Variants in KAZN observed in about 807,000 individuals in gnomAD.
KAZN encodes the protein kazrin, periplakin interacting protein, also known as kazrin.
Under a neutral mutation model 87.4 loss-of-function variants are expected in KAZN, and 40 were observed. That is an observed-to-expected ratio of 0.46 (90% confidence interval 0.36 to 0.60). The LOEUF (loss-of-function observed/expected upper bound fraction) is 0.60, where lower values mean the gene tolerates loss of function less well. Among genes scored for constraint, KAZN ranks in the 20% least tolerant of loss-of-function variants. The pLI is 0.00. For missense variants in KAZN, 898 were observed against 1,073.9 expected, an observed-to-expected ratio of 0.84 and a Z score of 2.29; for synonymous variants, 466 against 458.3, an observed-to-expected ratio of 1.02 and a Z score of -0.22.
intron 1 of KAZN, among the ~76,000 whole-genome samples, chr1:14,143,535 A>G (rs1046747668): frequency 6.6e-6 from 1 of 152,000 alleles, no homozygotes; most frequent in Non-Finnish European, 1.5e-5. Flanking sequence ...TCCCCCACTT[A>G]CTTCCACCAG....
intron 1 of KAZN, among the ~76,000 whole-genome samples, chr1:13,966,678 GCTAT>G (rs1641956995): frequency 6.6e-6 from 1 of 152,180 alleles, no homozygotes; most frequent in African/African-American, 2.4e-5. Flanking sequence ...TCCAAGTGTG[GCTAT>G]CTGAGTTGAG....
At chr1:14,175,014 C>T (rs1646040479) in intron 1 of KAZN, among the ~76,000 whole-genome samples, 1 of 152,168 alleles carries the variant, frequency 6.6e-6, no homozygotes, top group South Asian at 2.1e-4. Flanking sequence ...ATGTTTCTCC[C>T]ACGGGAGGGT....
chr1:14,420,624 G>A (rs879818490), intron 2 of KAZN, among the ~76,000 whole-genome samples: 10 of 152,208 alleles, frequency 6.6e-5, no homozygotes, highest in Admixed American at 2.6e-4. Flanking sequence ...GGCATGGCCC[G>A]CTGCAGGTCT....
intron 1 of KAZN, among the ~76,000 whole-genome samples, chr1:14,638,672 C>A (rs1159650888): frequency 1.3e-5 from 2 of 151,988 alleles, no homozygotes; most frequent in Admixed American, 6.5e-5. Context: ...TTTGTGCAGG[C>A]AGCAGGGAGA....
chr1:14,101,275 T>C (rs893132612), intron 1 of KAZN, among the ~76,000 whole-genome samples: 2 of 152,236 alleles, frequency 1.3e-5, no homozygotes, highest in Non-Finnish European at 2.9e-5. Flanking sequence ...ATTTATTACG[T>C]GCTTATTATG....
chr1:14,763,314 T>C (rs1644795160), intron 1 of KAZN, among the ~76,000 whole-genome samples: 1 of 152,218 alleles, frequency 6.6e-6, no homozygotes, highest in African/African-American at 2.4e-5. Flanking sequence ...AAGGAATTCC[T>C]CTTTCACTGT....
chr1:14,927,956 TG>T (rs59451903), intron 1 of KAZN, among the ~76,000 whole-genome samples: 9,531 of 152,200 alleles, frequency 0.063, 903 homozygotes, highest in African/African-American at 0.21. Flanking sequence ...CGAAACAGGA[TG>T]CCTTGTCTTC....
intron 1 of KAZN, among the ~76,000 whole-genome samples, chr1:14,175,185 G>C (rs1186123966): frequency 6.6e-6 from 1 of 152,146 alleles, no homozygotes; most frequent in Non-Finnish European, 1.5e-5. Context: ...CTCACTGCAA[G>C]CTCCGCCTCC....
chr1:14,223,836 T>G (rs1169758350), intron 2 of KAZN, among the ~76,000 whole-genome samples: 1 of 152,138 alleles, frequency 6.6e-6, no homozygotes, highest in Non-Finnish European at 1.5e-5. Context: ...TCTGCTATGG[T>G]CAGAGGGGCA....
chr1:13,903,261 T>C (rs1639313660), intron 1 of KAZN, among the ~76,000 whole-genome samples: 2 of 152,234 alleles, frequency 1.3e-5, no homozygotes, highest in African/African-American at 4.8e-5. Context: ...CATTTTTCTT[T>C]TGGACATTAG....
chr1:14,097,079 G>C (rs1188423751), intron 1 of KAZN, among the ~76,000 whole-genome samples: 2 of 152,196 alleles, frequency 1.3e-5, no homozygotes, highest in African/African-American at 4.8e-5. Flanking sequence ...ACCTTTAGAG[G>C]TGTAGGGGAA....
chr1:14,494,270 C>T (rs183379079), intron 2 of KAZN, among the ~76,000 whole-genome samples: 25 of 152,174 alleles, frequency 1.6e-4, no homozygotes, highest in East Asian at 5.8e-4. Flanking sequence ...TGACAAGTGC[C>T]ATAAATAAGA....
chr1:14,897,815 C>T (rs1294081694), intron 1 of KAZN, among the ~76,000 whole-genome samples: 1 of 152,156 alleles, frequency 6.6e-6, no homozygotes, highest in Non-Finnish European at 1.5e-5. Context: ...GAAGCTGGGA[C>T]TCACAGACCT....
chr1:14,851,150 G>A (rs1318722469), intron 1 of KAZN, among the ~76,000 whole-genome samples: 2 of 152,088 alleles, frequency 1.3e-5, no homozygotes, highest in Non-Finnish European at 2.9e-5. Context: ...CCTCCTAGAC[G>A]GCTCACAGCT....
chr1:14,280,224 T>G (rs1571212042), intron 2 of KAZN, among the ~76,000 whole-genome samples: 1 of 150,684 alleles, frequency 6.6e-6, no homozygotes, highest in African/African-American at 2.4e-5. Context: ...TAGCCAGAAG[T>G]GATGGCACAC....
rs75686148 is a variant in KAZN, at chr1:14,422,285, A to G, written c.250-176698A>G. On this transcript the variant is annotated intron_variant, in intron 2 of 16. Transcript: ENST00000636203. ...CGTGGGCTTCCGTGTTTACTCAGCT[A>G]TCTGCCCTAAAAACACTTGCTCAGC... is the stretch of plus-strand genomic sequence containing the variant. Among the ~76,000 whole-genome samples, 776 of 152,322 alleles carry G rather than the reference A, an allele frequency of 5.1e-3. 2 individuals are homozygous for G. Among genetic ancestry groups the G allele is most frequent in the Non-Finnish European group, 7.3e-3 (495 of 68,022 alleles).
chr1:14,695,516 T>TG (rs1470930305), intron 1 of KAZN, among the ~76,000 whole-genome samples: 1 of 135,668 alleles, frequency 7.4e-6, no homozygotes, highest in Non-Finnish European at 1.6e-5. Context: ...CCATCTTTTT[T>TG]TTTTTTTTTG....
chr1:14,619,410 G>T (rs1453334904), intron 1 of KAZN, among the ~76,000 whole-genome samples: 1 of 151,710 alleles, frequency 6.6e-6, no homozygotes, highest in African/African-American at 2.4e-5. Flanking sequence ...ATGGTGTCCA[G>T]GTTGGTCTCT....
At position 14,742,178 on chromosome 1, in the gene KAZN, C is replaced by T. The variant is rs112803808; in HGVS notation, c.226+142955C>T. Among the ~76,000 whole-genome samples the T allele has an allele frequency of 1.5e-3, 223 of 152,314 alleles. 2 individuals are homozygous for T. The highest frequency in any genetic ancestry group is 5.0e-3 in the African/African-American group (209 of 41,570). ...CTCTCCAACTGCTATAATGTCAGCTCCAGGAAAGCAGTGACCTTGTCCGTC... is the reference window on the plus strand; with the variant it reads ...CTCTCCAACTGCTATAATGTCAGCTTCAGGAAAGCAGTGACCTTGTCCGTC... On this transcript the variant is annotated intron_variant, in intron 1 of 14. Transcript: ENST00000376030.
Sources: gnomAD v4.1 joint callset for allele counts (sites outside exome capture counted in the v4.1 genomes callset) on GRCh38, gnomAD v4.1.1 for gene constraint, MANE v1.5 for transcripts, NCBI Gene and HGNC (gene_info 2026-07-23, HGNC 2026-07-21) for gene names.